Variants in KLHL1 observed in about 807,000 individuals in gnomAD.
The protein encoded by KLHL1 is kelch like family member 1, also known as kelch-like protein 1.
Under a neutral mutation model 77.7 loss-of-function variants are expected in KLHL1, and 47 were observed. That is an observed-to-expected ratio of 0.60 (90% CI 0.48 to 0.77). The LOEUF (loss-of-function observed/expected upper bound fraction) is 0.77, where lower values mean the gene tolerates loss of function less well. Among genes scored for constraint, KLHL1 ranks in the 30% least tolerant of loss-of-function variants. KLHL1 has a pLI of 0.00. For synonymous variants in KLHL1, 360 were observed against 325.2 expected, an observed-to-expected ratio of 1.11 and a Z score of -1.15; for missense variants, 925 against 910.8, an observed-to-expected ratio of 1.02 and a Z score of -0.20.
At chr13:69,751,985 C>A (rs1308899299) in intron 7 of KLHL1, among the ~76,000 whole-genome samples, 1 of 152,062 alleles carries the variant, frequency 6.6e-6, no homozygotes, top group Non-Finnish European at 1.5e-5. Context: ...AAAATTACAA[C>A]CTGGCAATGT....
chr13:69,769,869 T>G (rs1203201716), intron 7 of KLHL1, among the ~76,000 whole-genome samples: 1 of 152,076 alleles, frequency 6.6e-6, no homozygotes, highest in Non-Finnish European at 1.5e-5. Context: ...ACCTGCTGAA[T>G]GGCAGGAATG....
intron 4 of KLHL1, among the ~76,000 whole-genome samples, chr13:69,938,865 ACT>A (rs1390942788): frequency 3.3e-5 from 5 of 151,866 alleles, no homozygotes; most frequent in African/African-American, 7.3e-5. Context: ...TAATTTTGAA[ACT>A]CTGTTTCAAA....
chr13:69,923,973 G>A (rs868554495), intron 4 of KLHL1, among the ~76,000 whole-genome samples: 7 of 152,178 alleles, frequency 4.6e-5, no homozygotes, highest in Admixed American at 1.3e-4. Flanking sequence ...TCCTACTCCC[G>A]GCACCTGCTC....
chr13:69,731,453 T>G (rs1873539550), intron 8 of KLHL1, among the ~76,000 whole-genome samples: 1 of 152,192 alleles, frequency 6.6e-6, no homozygotes, highest in Admixed American at 6.6e-5. Flanking sequence ...TGTGTATGAT[T>G]TTAACTCCTT....
chr13:69,743,393 C>G (rs1874064645), intron 7 of KLHL1, among the ~76,000 whole-genome samples: 1 of 152,052 alleles, frequency 6.6e-6, no homozygotes, highest in Admixed American at 6.6e-5. Flanking sequence ...TCAGTTCAAA[C>G]AGATAAAAGT....
intron 2 of KLHL1, among the ~76,000 whole-genome samples, chr13:69,972,709 T>C (rs1365428911): frequency 6.6e-6 from 1 of 151,916 alleles, no homozygotes; most frequent in Non-Finnish European, 1.5e-5. Flanking sequence ...CCCATGTATG[T>C]CTGCAAAATG....
chr13:70,023,005 A>G (rs1203748372), intron 1 of KLHL1, among the ~76,000 whole-genome samples: 1 of 151,962 alleles, frequency 6.6e-6, no homozygotes, highest in African/African-American at 2.4e-5. Context: ...TAACACATGC[A>G]TATCCTCTTA....
intron 5 of KLHL1, among the ~76,000 whole-genome samples, chr13:69,845,943 T>C (rs1158969542): frequency 6.6e-6 from 1 of 151,472 alleles, no homozygotes; most frequent in Non-Finnish European, 1.5e-5. Flanking sequence ...TTGTTAAATG[T>C]AGTAAACTAT....
chr13:69,824,248 T>A (rs1878457628), intron 6 of KLHL1, among the ~76,000 whole-genome samples: 1 of 152,056 alleles, frequency 6.6e-6, no homozygotes, highest in Non-Finnish European at 1.5e-5. Context: ...ACACAACATA[T>A]GAAATGTTAT....
At chr13:69,914,501 A>G (rs571742353) in intron 4 of KLHL1, among the ~76,000 whole-genome samples, 1 of 152,340 alleles carries the variant, frequency 6.6e-6, no homozygotes, top group South Asian at 2.1e-4. Context: ...AAAATACAAC[A>G]AGCTTAGAGA....
intron 1 of KLHL1, among the ~76,000 whole-genome samples, chr13:70,105,480 G>T (rs1239910121): frequency 1.3e-5 from 2 of 151,430 alleles, no homozygotes; most frequent in East Asian, 1.9e-4. Context: ...CTTATTCAAA[G>T]AATTTAAAAA....
chr13:69,983,469 G>C (rs576601650), intron 1 of KLHL1, among the ~76,000 whole-genome samples: 3 of 151,662 alleles, frequency 2.0e-5, no homozygotes, highest in Non-Finnish European at 4.4e-5. Context: ...TGCTCGGTGC[G>C]GTGGTTCCCA....
At position 69,751,112 on chromosome 13, in the gene KLHL1, A is replaced by ATGTGTGTGTGTG. The variant is rs56689981; in HGVS notation, c.1640-10568_1640-10557dup. Among the ~76,000 whole-genome samples the ATGTGTGTGTGTG allele has an allele frequency of 8.1e-3, 1,142 of 141,154 alleles. 13 individuals are homozygous for ATGTGTGTGTGTG. Among genetic ancestry groups the ATGTGTGTGTGTG allele is most frequent in the African/African-American group, 0.029 (1,099 of 38,486 alleles). 92.6% of individuals were successfully genotyped at this position (141,154 alleles called of 152,430 possible). Reference sequence around the variant, plus strand: ...TATCTTTCATTCATGTCATGTGTGTATGTGTGTGTGTGTGTGTGTGTGTGT... The same window carrying ATGTGTGTGTGTG: ...TATCTTTCATTCATGTCATGTGTGTATGTGTGTGTGTGTGTGTGTGTGTGTGTGTGTGTGTGT... On this transcript the variant is annotated intron_variant, in intron 7 of 10. Coordinates refer to ENST00000377844, the MANE Select transcript of KLHL1 (RefSeq NM_020866.3).
intron 9 of KLHL1, among the ~76,000 whole-genome samples, chr13:69,712,772 T>G (rs2325242): frequency 0.037 from 1,932 of 52,698 alleles, 31 homozygotes; most frequent in South Asian, 0.1. Context: ...TTTTTTTTTT[T>G]GGGGGGGGGG....
intron 5 of KLHL1, among the ~76,000 whole-genome samples, chr13:69,847,466 G>A (rs1879514797): frequency 6.7e-6 from 1 of 150,370 alleles, no homozygotes; most frequent in South Asian, 2.1e-4. Context: ...TGTACCAAGC[G>A]CAGCAATCAC....
chr13:69,978,129 C>T (rs1884600324), intron 1 of KLHL1, among the ~76,000 whole-genome samples: 1 of 152,064 alleles, frequency 6.6e-6, no homozygotes, highest in African/African-American at 2.4e-5. Context: ...GGCTCAAGCA[C>T]ATATAGCAAG....
At chr13:69,703,251 A>G (rs1593757026) in intron 10 of KLHL1, among the ~76,000 whole-genome samples, 1 of 151,636 alleles carries the variant, frequency 6.6e-6, no homozygotes. Flanking sequence ...ACATGAAAGC[A>G]CAACGCATTA....
intron 4 of KLHL1, among the ~76,000 whole-genome samples, chr13:69,895,816 C>T (rs1881616758): frequency 6.6e-6 from 1 of 150,562 alleles, no homozygotes; most frequent in South Asian, 2.1e-4. Context: ...AAGTGATTCT[C>T]TTGATCCAGC....
chr13:69,940,290 G>A, intron 3 of KLHL1, 54 bp from the exon 4 acceptor site: 1 of 1,349,616 alleles, frequency 7.4e-7, no homozygotes, highest in Non-Finnish European at 1.0e-6. Context: ...GAAATAATAT[G>A]TATCATAACA....
Sources: allele counts gnomAD v4.1 joint callset (sites outside exome capture counted in the v4.1 genomes callset), GRCh38; gene constraint gnomAD v4.1.1; transcripts MANE v1.5; gene names NCBI Gene and HGNC (gene_info 2026-07-23, HGNC 2026-07-21).